The following MARCHF4 variants were observed in gnomAD, a reference collection of about 807,000 sequenced individuals.
The protein encoded by MARCHF4 is membrane associated ring-CH-type finger 4, also known as E3 ubiquitin-protein ligase MARCHF4.
In MARCHF4, 14 loss-of-function variants were observed where a neutral mutation model predicts 43.9. The ratio of observed to expected loss-of-function variants is 0.32; its 90% CI spans 0.21 to 0.50. The LOEUF (loss-of-function observed/expected upper bound fraction) is 0.50, where lower values mean the gene tolerates loss of function less well. MARCHF4 is among the 20% of genes least tolerant of loss of function. The pLI is 0.98. For synonymous variants in MARCHF4, 226 were observed against 213.3 expected, an observed-to-expected ratio of 1.06 and a Z score of -0.52; for missense variants, 468 against 536.7, an observed-to-expected ratio of 0.87 and a Z score of 1.27.
chr2:216,309,126 T>C (rs776441023), intron 1 of MARCHF4, among the ~76,000 whole-genome samples: 1 of 152,218 alleles, frequency 6.6e-6, no homozygotes, highest in African/African-American at 2.4e-5. Context: ...AGTGGCAACA[T>C]ATCTTCACAA....
intron 1 of MARCHF4, 72 bp downstream of exon 1, chr2:216,369,673 C>T: frequency 7.9e-7 from 1 of 1,264,230 alleles, no homozygotes; most frequent in Admixed American, 2.3e-5. Context: ...TTCCCCAGGG[C>T]AAGCAGGCGA....
At chr2:216,286,520 T>TAAA (rs10565877) in intron 1 of MARCHF4, among the ~76,000 whole-genome samples, 68 of 143,550 alleles carry the variant, frequency 4.7e-4, no homozygotes, top group Non-Finnish European at 7.1e-4. Flanking sequence ...CAACTCCATC[T>TAAA]AAAAAAAAAA....
intron 1 of MARCHF4, among the ~76,000 whole-genome samples, chr2:216,338,570 C>T (rs972580084): frequency 2.6e-5 from 4 of 152,162 alleles, no homozygotes; most frequent in African/African-American, 9.7e-5. Context: ...TTTGTCCCTC[C>T]AGCTTAGGCA....
At chr2:216,283,017 G>A (rs1559089134) in intron 2 of MARCHF4, among the ~76,000 whole-genome samples, 1 of 152,116 alleles carries the variant, frequency 6.6e-6, no homozygotes, top group Non-Finnish European at 1.5e-5. Context: ...AGAATAGCCT[G>A]CATTTTGAGA....
intron 1 of MARCHF4, among the ~76,000 whole-genome samples, chr2:216,342,100 G>T (rs927894567): frequency 6.6e-5 from 10 of 152,204 alleles, no homozygotes; most frequent in African/African-American, 2.2e-4. Context: ...GTGTGTATGT[G>T]TGTGTAGAAC....
intron 1 of MARCHF4, among the ~76,000 whole-genome samples, chr2:216,292,377 G>C (rs749530098): frequency 2.6e-5 from 4 of 152,242 alleles, no homozygotes; most frequent in South Asian, 2.1e-4. Flanking sequence ...AGAGAATCTA[G>C]AGAATCTAAA....
At chr2:216,357,957 A>G (rs1029411190) in intron 1 of MARCHF4, among the ~76,000 whole-genome samples, 4 of 152,228 alleles carry the variant, frequency 2.6e-5, no homozygotes, top group African/African-American at 9.6e-5. Context: ...GCAGCCCGCA[A>G]TCATACACAG....
chr2:216,359,287 T>C (rs1011455656), intron 1 of MARCHF4, among the ~76,000 whole-genome samples: 1 of 152,216 alleles, frequency 6.6e-6, no homozygotes, highest in Non-Finnish European at 1.5e-5. Flanking sequence ...CACATGGTCC[T>C]GTTGTAGCCA....
At chr2:216,278,870 G>T (rs979625850) in intron 2 of MARCHF4, among the ~76,000 whole-genome samples, 1 of 152,164 alleles carries the variant, frequency 6.6e-6, no homozygotes, top group Non-Finnish European at 1.5e-5. Context: ...TGGCTGATCC[G>T]GGCAGTACAG....
At chr2:216,365,911 A>G (rs767360059) in intron 1 of MARCHF4, among the ~76,000 whole-genome samples, 3 of 152,188 alleles carry the variant, frequency 2.0e-5, no homozygotes, top group Admixed American at 6.5e-5. Flanking sequence ...GGCAAAAGGT[A>G]GGTGCTTAAT....
At chr2:216,268,959 A>G (rs1017229019) in intron 3 of MARCHF4, among the ~76,000 whole-genome samples, 14 of 152,186 alleles carry the variant, frequency 9.2e-5, no homozygotes, top group African/African-American at 3.1e-4. Context: ...AAATTCCTTC[A>G]TCTCAGAGGA....
intron 1 of MARCHF4, among the ~76,000 whole-genome samples, chr2:216,294,926 G>A (rs1296821354): frequency 6.6e-6 from 1 of 152,218 alleles, no homozygotes; most frequent in East Asian, 1.9e-4. Flanking sequence ...CTTGCTTGGT[G>A]AGGGATGTTG....
intron 1 of MARCHF4, 102 bp downstream of exon 1, chr2:216,369,643 T>C (rs761045028): frequency 5.3e-6 from 5 of 950,014 alleles, no homozygotes; most frequent in South Asian, 1.7e-5. Context: ...AGAGTCCTCA[T>C]ACTAAAGACA....
At chr2:216,337,066 C>T (rs778808310) in intron 1 of MARCHF4, among the ~76,000 whole-genome samples, 3 of 151,182 alleles carry the variant, frequency 2.0e-5, no homozygotes, top group East Asian at 1.9e-4. Flanking sequence ...GCAGGAGAAT[C>T]GCTGGAACCT....
intron 1 of MARCHF4, among the ~76,000 whole-genome samples, chr2:216,319,494 A>G (rs1297640805): frequency 2.0e-5 from 3 of 152,172 alleles, no homozygotes; most frequent in African/African-American, 7.2e-5. Context: ...GCAAGAGAAT[A>G]AGAAACTATC....
intron 3 of MARCHF4, among the ~76,000 whole-genome samples, chr2:216,271,927 A>G (rs1367970430): frequency 1.4e-5 from 2 of 146,854 alleles, no homozygotes; most frequent in African/African-American, 5.1e-5. Context: ...AGTAGCTGGG[A>G]CTACAGGTGC....
chr2:216,353,550 C>T (rs1692434051), intron 1 of MARCHF4, among the ~76,000 whole-genome samples: 1 of 152,050 alleles, frequency 6.6e-6, no homozygotes, highest in South Asian at 2.1e-4. Flanking sequence ...GTTTCTTCTT[C>T]TTCTTCTTTT....
intron 1 of MARCHF4, among the ~76,000 whole-genome samples, chr2:216,317,064 G>C (rs577420827): frequency 6.6e-6 from 1 of 152,254 alleles, no homozygotes; most frequent in Non-Finnish European, 1.5e-5. Flanking sequence ...TTCAGCCCAA[G>C]CTGGTCTGGA....
rs561390465 is a variant in MARCHF4, at chr2:216,293,869, C to T, written c.517-10140G>A. On this transcript the variant is annotated intron_variant, in intron 1 of 3. Transcript: ENST00000273067. ...ACAAACCAAGCTATATGGGGTCTGGCGGAAAAAAAGGTCACGTTTAATGTG... is the reference window on the plus strand; with the variant it reads ...ACAAACCAAGCTATATGGGGTCTGGTGGAAAAAAAGGTCACGTTTAATGTG... 9.9e-5 allele frequency among the ~76,000 whole-genome samples: 12 copies of T among 120,936 alleles called. 2 individuals are homozygous for T. Among genetic ancestry groups the T allele is most frequent in the African/African-American group, 3.0e-4 (11 of 36,876 alleles). The allele number at this position is 120,936 out of a possible 152,430, so 79.3% of individuals were successfully genotyped here.
Sources: allele counts gnomAD v4.1 joint callset (sites outside exome capture counted in the v4.1 genomes callset), GRCh38; gene constraint gnomAD v4.1.1; transcripts MANE v1.5; gene names NCBI Gene and HGNC (gene_info 2026-07-23, HGNC 2026-07-21).